DNAI4: variants seen among roughly 807,000 people sequenced by gnomAD.
DNAI4 encodes dynein axonemal intermediate chain 4, also known as WD repeat domain 78.
Under a neutral mutation model 105.8 loss-of-function variants are expected in DNAI4, and 85 were observed. The ratio of observed to expected loss-of-function variants is 0.80; its 90% CI spans 0.67 to 0.96. The LOEUF (loss-of-function observed/expected upper bound fraction) is 0.96. DNAI4 is among the 40% of genes least tolerant of loss of function. The pLI is 0.00. For synonymous variants in DNAI4, 352 were observed against 331.5 expected (o/e 1.06, Z -0.67); for missense variants, 1,014 against 1,005.6 (o/e 1.01, Z -0.11).
intron 4 of DNAI4, among the ~76,000 whole-genome samples, chr1:66,881,342 C>T (rs1200155192): frequency 6.6e-6 from 1 of 152,238 alleles, no homozygotes; most frequent in Non-Finnish European, 1.5e-5. Flanking sequence ...GCCATAGACA[C>T]TCACTGCCAA....
Position 66,905,343 on chromosome 1 carries a change from C to A in DNAI4, c.203G>T (p.Ser68Ile). The A allele has an allele frequency of 1.3e-6, 2 of 1,511,244 alleles. No homozygotes were observed. Among genetic ancestry groups the A allele is most frequent in the Non-Finnish European group, 1.8e-6 (2 of 1,115,886 alleles). The allele number at this position is 1,511,244 out of a possible 1,614,324, so 93.6% of individuals were successfully genotyped here. A position where few individuals can be genotyped will look rare whatever the true frequency, so the allele number is the denominator to read the frequency against. ...NNATQPKKSI[S>I]FFATMKATSV... Reference sequence around the variant, plus strand: ...AGTTGCTTTCATTGTAGCAAAAAAGCTAATAGACTTCTTTGGTTGTGTGGC... The same window carrying A: ...AGTTGCTTTCATTGTAGCAAAAAAGATAATAGACTTCTTTGGTTGTGTGGC... The change falls in exon 2 of 17, where the codon AGC (serine) becomes ATC (isoleucine). Residue 68 changes from serine to isoleucine, a missense_variant. By Grantham distance (142) the Ser-to-Ile change is moderately radical. Transcript: ENST00000371026.
chr1:66,909,285 T>TACAC (rs71058481), intron 1 of DNAI4, among the ~76,000 whole-genome samples: 2,729 of 134,504 alleles, frequency 0.02, 49 homozygotes, highest in African/African-American at 0.032. Context: ...CACCTCTCTC[T>TACAC]ACACACACAC....
chr1:66,911,531 C>T (rs958732841), intron 1 of DNAI4, among the ~76,000 whole-genome samples: 12 of 152,126 alleles, frequency 7.9e-5, no homozygotes, highest in Non-Finnish European at 1.2e-4. Context: ...ATGACTAACC[C>T]CCATCCTCAA....
At chr1:66,834,278 A>T in intron 11 of DNAI4, 130 bp from the exon 12 acceptor site, 1 of 629,702 alleles carries the variant, frequency 1.6e-6, no homozygotes, top group Non-Finnish European at 2.4e-6. Context: ...ATTGTTCAAA[A>T]ATAGACTTTT....
At chr1:66,921,009 A>G (rs1224404406) in intron 1 of DNAI4, among the ~76,000 whole-genome samples, 1 of 152,202 alleles carries the variant, frequency 6.6e-6, no homozygotes, top group African/African-American at 2.4e-5. Context: ...AAAGGTACAA[A>G]AACAGTGTGA....
rs188260271 is a variant in DNAI4, at chr1:66,821,327, G to A, written c.2496+1034C>T. On this transcript the variant is annotated intron_variant, in intron 16 of 16. Coordinates refer to ENST00000371026, the MANE Select transcript of DNAI4 (RefSeq NM_024763.5). ...TTGGCCAGGCTGCTCTTGAACTCCT[G>A]ACCTCAAGTGATGCACCTGCCTCGG... Among the ~76,000 whole-genome samples the A allele has an allele frequency of 9.3e-4, 142 of 152,058 alleles. 4 individuals carry two copies. In the East Asian group the frequency reaches 0.026, roughly 27 times the overall value.
chr1:66,871,582 T>C, intron 5 of DNAI4, 73 bp from the exon 6 acceptor site: 1 of 1,356,970 alleles, frequency 7.4e-7, no homozygotes, highest in Admixed American at 2.6e-5. Context: ...TATATTATTC[T>C]TTTCCCTAAA....
chr1:66,833,438 A>C, intron 13 of DNAI4, 147 bp downstream of exon 13: 1 of 916,762 alleles, frequency 1.1e-6, no homozygotes, highest in Non-Finnish European at 1.6e-6. Flanking sequence ...CCCCTAGCCC[A>C]GGCAATCATT....
intron 8 of DNAI4, among the ~76,000 whole-genome samples, chr1:66,846,532 G>A (rs930529767): frequency 6.6e-6 from 1 of 152,158 alleles, no homozygotes; most frequent in African/African-American, 2.4e-5. Context: ...TCTATTTGAG[G>A]ATTACCAGAT....
chr1:66,885,006 C>A (rs914225745), intron 4 of DNAI4, among the ~76,000 whole-genome samples: 1 of 152,170 alleles, frequency 6.6e-6, no homozygotes, highest in African/African-American at 2.4e-5. Flanking sequence ...ATTGCTTTTT[C>A]TTCATCCCCA....
At chr1:66,814,947 A>G (rs913725866) in intron 16 of DNAI4, among the ~76,000 whole-genome samples, 2 of 152,198 alleles carry the variant, frequency 1.3e-5, no homozygotes, top group Non-Finnish European at 2.9e-5. Flanking sequence ...GAGGATGAAA[A>G]TCAAAGATGG....
intron 4 of DNAI4, among the ~76,000 whole-genome samples, chr1:66,882,278 T>C (rs552431893): frequency 1.4e-4 from 22 of 152,350 alleles, no homozygotes; most frequent in Non-Finnish European, 3.2e-4. Context: ...TGTCTTATCA[T>C]TCACTTAACA....
intron 1 of DNAI4, among the ~76,000 whole-genome samples, chr1:66,905,741 G>A (rs921442275): frequency 2.6e-5 from 4 of 151,986 alleles, no homozygotes; most frequent in Admixed American, 1.3e-4. Flanking sequence ...GATAATAACA[G>A]TACTTAACTC....
intron 3 of DNAI4, 52 bp from the exon 4 acceptor site, chr1:66,891,318 AACTACATAT>A: frequency 8.0e-7 from 1 of 1,242,614 alleles, no homozygotes; most frequent in Non-Finnish European, 1.2e-6. Context: ...CCTTATAGGA[AACTACATAT>A]ACAAATTAGA....
intron 1 of DNAI4, among the ~76,000 whole-genome samples, chr1:66,918,719 T>C (rs1387437044): frequency 6.6e-6 from 1 of 152,204 alleles, no homozygotes; most frequent in African/African-American, 2.4e-5. Flanking sequence ...AGGAACAAAC[T>C]GTCCTAGCCA....
At chr1:66,832,867 T>G (rs1645897008) in intron 13 of DNAI4, among the ~76,000 whole-genome samples, 1 of 152,142 alleles carries the variant, frequency 6.6e-6, no homozygotes, top group Non-Finnish European at 1.5e-5. Flanking sequence ...AGGACTTCAT[T>G]AACTGTGCTC....
chr1:66,836,198 AAGAAAGAAAGAGAGAGAG>A (rs1645993468), intron 10 of DNAI4, among the ~76,000 whole-genome samples: 9 of 62,940 alleles, frequency 1.4e-4, no homozygotes, highest in African/African-American at 4.9e-4. Flanking sequence ...GAAAGAAAGA[AAGAAAGAAAGAGAGAGAG>A]AGAGAGAGAG....
intron 13 of DNAI4, among the ~76,000 whole-genome samples, chr1:66,832,865 A>G (rs1233771887): frequency 6.6e-6 from 1 of 152,210 alleles, no homozygotes; most frequent in African/African-American, 2.4e-5. Context: ...GGAGGACTTC[A>G]TTAACTGTGC....
intron 6 of DNAI4, among the ~76,000 whole-genome samples, chr1:66,870,417 G>A (rs1173623669): frequency 6.7e-6 from 1 of 149,398 alleles, no homozygotes. Flanking sequence ...ACTCCAGCCT[G>A]GGTGACAAGA....
Sources: gnomAD v4.1 joint callset for allele counts (sites outside exome capture counted in the v4.1 genomes callset) on GRCh38, gnomAD v4.1.1 for gene constraint, MANE v1.5 for transcripts, NCBI Gene and HGNC (gene_info 2026-07-23, HGNC 2026-07-21) for gene names.